PTPRT: variants seen among roughly 807,000 people sequenced by gnomAD.
The protein encoded by PTPRT is protein tyrosine phosphatase receptor type T, also known as receptor-type tyrosine-protein phosphatase T.
PTPRT carries 56 observed loss-of-function variants against 176.8 expected under a neutral mutation model. That is an observed-to-expected ratio of 0.32 (90% CI 0.26 to 0.40). The LOEUF is 0.40. Among genes scored for constraint, PTPRT ranks in the 10% least tolerant of loss-of-function variants. The pLI is 1.00. For synonymous variants in PTPRT, 783 were observed against 739.0 expected (o/e 1.06, Z -0.96); for missense variants, 1,540 against 1,908.2 (o/e 0.81, Z 3.60).
At chr20:42,298,745 AC>A (rs2145298213) in intron 12 of PTPRT, among the ~76,000 whole-genome samples, 1 of 152,220 alleles carries the variant, frequency 6.6e-6, no homozygotes. Context: ...ACATGGTTAA[AC>A]CCTGTCTCTA....
chr20:42,256,123 C>T (rs1464132729), intron 13 of PTPRT, among the ~76,000 whole-genome samples: 1 of 152,166 alleles, frequency 6.6e-6, no homozygotes, highest in Non-Finnish European at 1.5e-5. Flanking sequence ...GCATTACAGG[C>T]ATCTCTGATT....
intron 1 of PTPRT, among the ~76,000 whole-genome samples, chr20:42,915,131 G>A (rs1164185443): frequency 1.3e-5 from 2 of 152,212 alleles, no homozygotes; most frequent in Admixed American, 6.5e-5. Context: ...CGTTGTTAAT[G>A]TTTCGTGGTC....
intron 1 of PTPRT, among the ~76,000 whole-genome samples, chr20:42,952,795 T>C (rs1981334484): frequency 6.6e-6 from 1 of 152,212 alleles, no homozygotes; most frequent in African/African-American, 2.4e-5. Context: ...TGGAAATAGA[T>C]CTACCAGCAT....
chr20:42,388,835 C>T (rs1762923029), intron 9 of PTPRT, among the ~76,000 whole-genome samples: 1 of 152,186 alleles, frequency 6.6e-6, no homozygotes, highest in South Asian at 2.1e-4. Context: ...CATATGTTTA[C>T]TGCAGCACTA....
At position 43,019,102 on chromosome 20, in the gene PTPRT, C is replaced by A. The variant is rs188529619; in HGVS notation, c.89-133170G>T. On this transcript the variant is annotated intron_variant, in intron 1 of 30. Coordinates refer to ENST00000373187, the MANE Select transcript of PTPRT (RefSeq NM_007050.6). ...TAGTACTGAGTAAATTATACTATAT[C>A]TAGGTAATAGAATACAATACACTCA... is the stretch of plus-strand genomic sequence containing the variant. Among the ~76,000 whole-genome samples, 8 of 152,202 alleles carry A rather than the reference C, an allele frequency of 5.3e-5. 1 individual carries two copies. The South Asian group carries it at 8.3e-4, about 16-fold the overall frequency.
At chr20:42,655,603 T>G (rs2075111782) in intron 7 of PTPRT, among the ~76,000 whole-genome samples, 1 of 152,188 alleles carries the variant, frequency 6.6e-6, no homozygotes, top group Admixed American at 6.5e-5. Flanking sequence ...AGGCCACATC[T>G]GTGAATGGGA....
intron 9 of PTPRT, among the ~76,000 whole-genome samples, chr20:42,423,125 T>C (rs1237296799): frequency 1.6e-5 from 2 of 126,576 alleles, no homozygotes; most frequent in East Asian, 4.7e-4. Context: ...GATGAAATAA[T>C]CTACACAATT....
rs1555872402 is a variant in PTPRT at position 42,119,013 on chromosome 20, G to GGA, written c.2885-514_2885-513insTC. Reference sequence around the variant, plus strand: ...CTCTAGGGCCTCAACAGAAAGGAAGGAAAAAAAAAAAAAAAAAAAAAAAAA... The same window carrying GGA: ...CTCTAGGGCCTCAACAGAAAGGAAGGGAAAAAAAAAAAAAAAAAAAAAAAAAA... On this transcript the variant is annotated intron_variant, in intron 20 of 30. Coordinates refer to ENST00000373187, the MANE Select transcript of PTPRT (RefSeq NM_007050.6). 3.5e-3 allele frequency among the ~76,000 whole-genome samples: 103 copies of GGA among 29,220 alleles called. 5 individuals are homozygous for GGA. In the Admixed American group the frequency reaches 0.039, roughly 11 times the overall value. 19.2% of individuals were successfully genotyped at this position (29,220 alleles called of 152,430 possible).
intron 7 of PTPRT, among the ~76,000 whole-genome samples, chr20:42,558,483 C>T (rs185828466): frequency 4.0e-4 from 61 of 152,114 alleles, no homozygotes; most frequent in African/African-American, 1.4e-3. Context: ...TGAGTATAAT[C>T]GTAATGGGGC....
chr20:42,333,927 C>T (rs2145445695), intron 11 of PTPRT, among the ~76,000 whole-genome samples: 2 of 152,290 alleles, frequency 1.3e-5, no homozygotes, highest in Middle Eastern at 6.8e-3. Flanking sequence ...GTGACCCGCC[C>T]ACCTTGGCTT....
chr20:43,127,990 G>T (rs538861108), intron 1 of PTPRT, among the ~76,000 whole-genome samples: 3 of 152,262 alleles, frequency 2.0e-5, no homozygotes, highest in South Asian at 4.1e-4. Context: ...CTTTGATGGT[G>T]ACAACTGCCA....
chr20:42,408,965 C>A (rs923130240), intron 9 of PTPRT, among the ~76,000 whole-genome samples: 3 of 152,184 alleles, frequency 2.0e-5, no homozygotes, highest in African/African-American at 7.2e-5. Context: ...AGAACGCTAA[C>A]CCCACATGGG....
At chr20:42,105,258 C>A (rs886501181) in intron 24 of PTPRT, among the ~76,000 whole-genome samples, 6 of 152,148 alleles carry the variant, frequency 3.9e-5, no homozygotes, top group East Asian at 1.9e-4. Context: ...GTTAAAGTAG[C>A]CTTTGTTTGT....
intron 1 of PTPRT, among the ~76,000 whole-genome samples, chr20:43,082,967 T>G (rs2011480109): frequency 2.0e-5 from 3 of 151,992 alleles, no homozygotes; most frequent in Admixed American, 6.6e-5. Context: ...CTTCCCTAAT[T>G]CGTATTTTTC....
intron 1 of PTPRT, among the ~76,000 whole-genome samples, chr20:43,184,242 G>A (rs1049351369): frequency 6.6e-6 from 1 of 152,202 alleles, no homozygotes; most frequent in Non-Finnish European, 1.5e-5. Context: ...TTCAGTGTGA[G>A]AAAAAATTAA....
At chr20:42,115,569 C>T (rs2076249) in intron 21 of PTPRT, among the ~76,000 whole-genome samples, 39,398 of 152,134 alleles carry the variant, frequency 0.26, 5,915 homozygotes, top group East Asian at 0.42. Flanking sequence ...CTCCTTGTAA[C>T]TTTCCAATGC....
chr20:43,158,628 G>C (rs553846406), intron 1 of PTPRT, among the ~76,000 whole-genome samples: 1 of 152,222 alleles, frequency 6.6e-6, no homozygotes, highest in East Asian at 1.9e-4. Context: ...CCTCACTCCA[G>C]GGCCTGAGCA....
intron 6 of PTPRT, among the ~76,000 whole-genome samples, chr20:42,694,005 A>C (rs1473706492): frequency 6.6e-6 from 1 of 151,512 alleles, no homozygotes; most frequent in East Asian, 1.9e-4. Flanking sequence ...ATACCCTGGA[A>C]ATTACTCCAG....
chr20:43,116,413 T>C (rs2013061280), intron 1 of PTPRT, among the ~76,000 whole-genome samples: 1 of 152,166 alleles, frequency 6.6e-6, no homozygotes, highest in Non-Finnish European at 1.5e-5. Context: ...ACCAGTGTTA[T>C]TACCATCAAT....
Sources: allele counts gnomAD v4.1 joint callset (sites outside exome capture counted in the v4.1 genomes callset), GRCh38; gene constraint gnomAD v4.1.1; transcripts MANE v1.5; gene names NCBI Gene and HGNC (gene_info 2026-07-23, HGNC 2026-07-21).